Variants in AOPEP observed in about 807,000 individuals in gnomAD.
AOPEP encodes the protein aminopeptidase O.
In AOPEP, 77 loss-of-function variants were observed where a neutral mutation model predicts 98.1. The ratio of observed to expected loss-of-function variants is 0.78; its 90% CI spans 0.65 to 0.95. AOPEP has a LOEUF of 0.95. Among genes scored for constraint, AOPEP ranks in the 40% least tolerant of loss-of-function variants. The pLI is 0.00. For missense variants in AOPEP, 1,024 were observed against 1,024.7 expected (o/e 1.00, Z 0.01); for synonymous variants, 346 against 365.3 (o/e 0.95, Z 0.60).
downstream of AOPEP, among the ~76,000 whole-genome samples, chr9:95,087,759 T>G (rs2070804295): frequency 6.6e-6 from 1 of 152,156 alleles, no homozygotes; most frequent in African/African-American, 2.4e-5. Context: ...GCACTGAGCT[T>G]CCTTGGCACT....
intron 10 of AOPEP, among the ~76,000 whole-genome samples, chr9:94,970,566 C>T (rs1396897906): frequency 1.3e-5 from 2 of 151,504 alleles, no homozygotes; most frequent in South Asian, 4.2e-4. Flanking sequence ...TTGCGTGGGG[C>T]CTTAGAAATT....
chr9:94,872,102 G>A (rs1163271911), intron 5 of AOPEP, among the ~76,000 whole-genome samples: 2 of 152,172 alleles, frequency 1.3e-5, no homozygotes, highest in East Asian at 1.9e-4. Context: ...AGCAAAAGTA[G>A]TGTCTAGAAT....
intron 2 of AOPEP, among the ~76,000 whole-genome samples, chr9:94,766,366 G>A (rs1311797897): frequency 1.3e-5 from 2 of 152,118 alleles, no homozygotes; most frequent in East Asian, 1.9e-4. Flanking sequence ...GTGAAACCCC[G>A]TCTCTACTAA....
At chr9:94,986,972 C>T (rs1453531411) in intron 11 of AOPEP, among the ~76,000 whole-genome samples, 3 of 148,748 alleles carry the variant, frequency 2.0e-5, no homozygotes, top group Admixed American at 2.0e-4. Context: ...AGAGCTTAGG[C>T]TTCTACGGTA....
At chr9:95,107,482 C>G in the AOPEP span, 1 of 625,550 alleles carries the variant, frequency 1.6e-6, no homozygotes, top group Non-Finnish European at 2.9e-6. Flanking sequence ...TCTTGCTCAC[C>G]AAGCAGTCAG....
At chr9:95,108,101 G>T in the AOPEP span, among the ~76,000 whole-genome samples, 2 of 152,184 alleles carry the variant, frequency 1.3e-5, no homozygotes, top group African/African-American at 2.4e-5. Flanking sequence ...CCTATTCTGA[G>T]AATTCCCATG....
At chr9:94,961,073 G>A (rs1032449163) in intron 9 of AOPEP, among the ~76,000 whole-genome samples, 1 of 151,194 alleles carries the variant, frequency 6.6e-6, no homozygotes, top group African/African-American at 2.4e-5. Flanking sequence ...TAAACTGACT[G>A]GATATAATAT....
At chr9:94,919,893 T>C (rs2053358332) in intron 5 of AOPEP, among the ~76,000 whole-genome samples, 1 of 152,220 alleles carries the variant, frequency 6.6e-6, no homozygotes, top group Non-Finnish European at 1.5e-5. Flanking sequence ...TCATGGGATA[T>C]TGGGCTGCAC....
At chr9:94,993,307 AAGTCCAGTG>A (rs2061009449) in intron 11 of AOPEP, among the ~76,000 whole-genome samples, 1 of 152,224 alleles carries the variant, frequency 6.6e-6, no homozygotes, top group Admixed American at 6.5e-5. Context: ...CTTGGGGGAA[AAGTCCAGTG>A]AGTCCAGTTT....
chr9:95,005,622 G>C lies in AOPEP; in HGVS notation c.2115+6G>C. 1 of 1,613,548 alleles carries C rather than the reference G, an allele frequency of 6.2e-7. No homozygotes were observed. The highest frequency in any genetic ancestry group is 8.5e-7 in the Non-Finnish European group (1 of 1,179,514). ...AGGAAGAGGTGTTTGAAAAGGTAGG[G>C]GTTCCCGAGACGGTACTCGGTGCAG... On this transcript the variant is annotated splice_donor_region_variant and intron_variant, in intron 13 of 16. Coordinates refer to ENST00000375315, the MANE Select transcript of AOPEP (RefSeq NM_001193329.3).
chr9:94,974,088 A>G (rs535302818), intron 10 of AOPEP, among the ~76,000 whole-genome samples: 9 of 152,276 alleles, frequency 5.9e-5, no homozygotes, highest in African/African-American at 2.2e-4. Context: ...TCCCTGAGCT[A>G]CCTGCATGCT....
chr9:94,987,454 C>G (rs1471153161), intron 11 of AOPEP, among the ~76,000 whole-genome samples: 1 of 152,218 alleles, frequency 6.6e-6, no homozygotes, highest in Non-Finnish European at 1.5e-5. Context: ...AGAGTCAAAT[C>G]TCAGTGCTGG....
chr9:95,110,660 A>C, the AOPEP span: 1 of 1,048,370 alleles, frequency 9.5e-7, no homozygotes, highest in Middle Eastern at 4.4e-4. Context: ...GTGTTTTCAA[A>C]CAACAGAAAA....
chr9:94,923,853 C>T (rs895627408), intron 5 of AOPEP, 133 bp from the exon 6 acceptor site: 1 of 507,114 alleles, frequency 2.0e-6, no homozygotes, highest in African/African-American at 2.0e-5. Flanking sequence ...ATCTAAGCCG[C>T]AAGCCTATCT....
At chr9:94,827,156 C>T (rs534339190) in intron 5 of AOPEP, among the ~76,000 whole-genome samples, 13 of 152,270 alleles carry the variant, frequency 8.5e-5, no homozygotes, top group African/African-American at 2.4e-4. Context: ...GCAAAGAACA[C>T]GGTGAGCTGG....
chr9:94,922,435 C>T (rs1478253331), intron 5 of AOPEP, among the ~76,000 whole-genome samples: 2 of 152,166 alleles, frequency 1.3e-5, no homozygotes, highest in Non-Finnish European at 2.9e-5. Context: ...TTGTTTTAGC[C>T]CAAAGGGTGA....
chr9:95,147,518 AAAAAG>A, the AOPEP span, among the ~76,000 whole-genome samples: 8 of 152,224 alleles, frequency 5.3e-5, no homozygotes, highest in African/African-American at 1.7e-4. Context: ...CTCTGTCTCA[AAAAAG>A]AAAAGAAAAG....
chr9:94,919,821 T>C (rs1167103906), intron 5 of AOPEP, among the ~76,000 whole-genome samples: 1 of 152,194 alleles, frequency 6.6e-6, no homozygotes, highest in Non-Finnish European at 1.5e-5. Flanking sequence ...CTATCTATCC[T>C]GCTGGACTTT....
intron 10 of AOPEP, among the ~76,000 whole-genome samples, chr9:94,973,366 A>G (rs2059644586): frequency 6.6e-6 from 1 of 152,242 alleles, no homozygotes; most frequent in Non-Finnish European, 1.5e-5. Context: ...GCGAGCAAAT[A>G]CAGGCATGGG....
Sources: gnomAD v4.1 joint callset for allele counts (sites outside exome capture counted in the v4.1 genomes callset) on GRCh38, gnomAD v4.1.1 for gene constraint, MANE v1.5 for transcripts, NCBI Gene and HGNC (gene_info 2026-07-23, HGNC 2026-07-21) for gene names.